OSMR: variants seen among roughly 807,000 people sequenced by gnomAD.
OSMR encodes oncostatin M receptor, also known as oncostatin-M-specific receptor subunit beta.
Under a neutral mutation model 99.9 loss-of-function variants are expected in OSMR, and 81 were observed. The observed-to-expected ratio is 0.81, with a 90% CI of 0.68 to 0.97. The LOEUF is 0.97. Ranked by LOEUF, OSMR falls within the 50% of genes least tolerant of loss-of-function variation. The pLI, the probability that OSMR is intolerant of heterozygous loss-of-function variation, is 0.00. For missense variants in OSMR, 1,099 were observed against 1,153.4 expected (o/e 0.95, Z 0.68); for synonymous variants, 406 against 410.4 (o/e 0.99, Z 0.13).
At chr5:38,864,966 C>T (rs1741826178) in intron 1 of OSMR, among the ~76,000 whole-genome samples, 1 of 152,172 alleles carries the variant, frequency 6.6e-6, no homozygotes, top group Non-Finnish European at 1.5e-5. Flanking sequence ...CTGTCTTTCT[C>T]TCTCTGTCTG....
chr5:38,871,916 T>C (rs1742415684), intron 2 of OSMR, among the ~76,000 whole-genome samples: 1 of 152,152 alleles, frequency 6.6e-6, no homozygotes. Context: ...GTGTTGTGGA[T>C]GGTCAGAGAA....
At chr5:38,881,004 T>G (rs1279102273) in intron 3 of OSMR, among the ~76,000 whole-genome samples, 1 of 152,062 alleles carries the variant, frequency 6.6e-6, no homozygotes, top group East Asian at 1.9e-4. Flanking sequence ...AGAGATGGAG[T>G]GTGGCCATGT....
chr5:38,924,274 T>A lies in OSMR; in HGVS notation c.1871-148T>A, dbSNP rs10075030. The A allele has an allele frequency of 3.1e-5, 46 of 1,499,290 alleles. No individual in the cohort carries two copies. In the Admixed American group the frequency reaches 7.4e-4, roughly 24 times the overall value. The allele number at this position is 1,499,290 out of a possible 1,614,324, so 92.9% of individuals were successfully genotyped here. On this transcript the variant is annotated intron_variant, in intron 13 of 17. Coordinates refer to ENST00000274276, the MANE Select transcript of OSMR (RefSeq NM_003999.3). ...CTCATAAACTATGTCAAGGCACAAA[T>A]CCTCTAGAGAAACAGATAAAACTCC...
intron 1 of OSMR, among the ~76,000 whole-genome samples, chr5:38,847,465 C>T (rs1361026526): frequency 1.3e-5 from 2 of 151,764 alleles, no homozygotes; most frequent in African/African-American, 2.4e-5. Context: ...TTGGAGTCTG[C>T]TCATGATCAC....
chr5:38,922,532 A>G (rs1461061466), intron 12 of OSMR, among the ~76,000 whole-genome samples: 1 of 152,136 alleles, frequency 6.6e-6, no homozygotes, highest in Non-Finnish European at 1.5e-5. Context: ...TTGGTTTTCT[A>G]TGTCTGGTCT....
At chr5:38,864,683 T>A (rs1741798815) in intron 1 of OSMR, among the ~76,000 whole-genome samples, 1 of 152,118 alleles carries the variant, frequency 6.6e-6, no homozygotes, top group African/African-American at 2.4e-5. Context: ...TTTTAAAAAA[T>A]TATCTCCCTG....
chr5:38,900,755 T>C (rs1744836313), intron 7 of OSMR, among the ~76,000 whole-genome samples: 1 of 140,028 alleles, frequency 7.1e-6, no homozygotes, highest in South Asian at 2.3e-4. Flanking sequence ...GATGTCCTTG[T>C]AGAAGTATTT....
intron 9 of OSMR, among the ~76,000 whole-genome samples, chr5:38,916,196 A>C (rs1178023523): frequency 1.3e-5 from 2 of 152,224 alleles, no homozygotes; most frequent in Non-Finnish European, 2.9e-5. Context: ...ATCAATGATT[A>C]AAACGTGTGC....
At chr5:38,864,953 T>C (rs1741825191) in intron 1 of OSMR, among the ~76,000 whole-genome samples, 1 of 152,238 alleles carries the variant, frequency 6.6e-6, no homozygotes, top group Non-Finnish European at 1.5e-5. Context: ...TCTGTCTGTA[T>C]CTCTGTCTTT....
At chr5:38,904,146 T>C (rs567996061) in intron 8 of OSMR, 122 bp downstream of exon 8, 3 of 1,537,374 alleles carry the variant, frequency 2.0e-6, no homozygotes, top group Admixed American at 4.2e-5. Context: ...GTGGGTCATC[T>C]GTTTTAAAAG....
Position 38,923,213 on chromosome 5 carries a change from CTTGT to C in OSMR, c.1832_1835del (p.Cys611TyrfsTer2), listed in dbSNP as rs1746316492. ...TATGGGTTATCTACAAAAAGGATTG[CTTGT>C]TTATTAGAGAAAAAAACAGGATACT... On this transcript the variant is annotated frameshift_variant, in exon 13 of 18. Transcript: ENST00000274276. LOFTEE classifies it high-confidence loss of function. 1 of 1,612,092 alleles carries C rather than the reference CTTGT, an allele frequency of 6.2e-7. No individual in the cohort carries two copies. The highest frequency in any genetic ancestry group is 1.3e-5 in the African/African-American group (1 of 74,924).
rs1313939926 is a variant in OSMR, at chr5:38,869,092, G to A, written c.48G>A (p.Leu16=). The A allele has an allele frequency of 6.2e-7, 1 of 1,612,656 alleles. No homozygotes were observed. The highest frequency in any genetic ancestry group is 1.3e-5 in the African/African-American group (1 of 74,918). The part of the protein sequence containing the change: ...VFQTTFFLTL[L]SLRTYQSEVL... ...AGACAACATTCTTCTTAACATTGCT[G>A]TCCTTGAGGACTTACCAGAGTGAAG... The change falls in exon 2 of 18, where the codon CTG becomes CTA. Residue 16 remains leucine (L), a synonymous_variant. Transcript: ENST00000274276.
chr5:38,851,980 C>T (rs1233248931), intron 1 of OSMR, among the ~76,000 whole-genome samples: 4 of 152,218 alleles, frequency 2.6e-5, no homozygotes, highest in Admixed American at 2.6e-4. Flanking sequence ...TGAGGCCTCC[C>T]CAACCACGTG....
intron 9 of OSMR, among the ~76,000 whole-genome samples, chr5:38,917,089 C>T (rs568794207): frequency 6.6e-5 from 10 of 151,990 alleles, no homozygotes; most frequent in Admixed American, 2.6e-4. Flanking sequence ...CTCCAGTGAG[C>T]GGGCCAGCCG....
intron 14 of OSMR, 143 bp downstream of exon 14, chr5:38,924,738 C>A: frequency 1.3e-6 from 1 of 780,258 alleles, no homozygotes; most frequent in Non-Finnish European, 2.2e-6. Flanking sequence ...TGTTCTTAAG[C>A]AAATTAGTAG....
chr5:38,945,009 C>G, exon 3 of OSMR: 3 of 1,612,446 alleles, frequency 1.9e-6, no homozygotes, highest in African/African-American at 1.3e-5. Flanking sequence ...GAGGGAACCA[C>G]TTCTAAAGGA....
intron 9 of OSMR, among the ~76,000 whole-genome samples, chr5:38,911,173 T>A (rs1003107874): frequency 1.3e-5 from 2 of 152,108 alleles, no homozygotes; most frequent in African/African-American, 4.8e-5. Context: ...AAGAATAAGT[T>A]TCATAGATCA....
chr5:38,885,314 G>T (rs369009269), intron 5 of OSMR, 35 bp from the exon 6 acceptor site: 168 of 1,612,866 alleles, frequency 1.0e-4, no homozygotes, highest in Admixed American at 2.5e-4. Flanking sequence ...CCAATAAAAA[G>T]ATTTAACTAG....
chr5:38,919,452 G>C, intron 11 of OSMR: 3 of 856,658 alleles, frequency 3.5e-6, no homozygotes, highest in Non-Finnish European at 4.8e-6. Context: ...GTCAGTCTTT[G>C]CACCTGGAAA....
Sources: allele counts gnomAD v4.1 joint callset (sites outside exome capture counted in the v4.1 genomes callset), GRCh38; gene constraint gnomAD v4.1.1; transcripts MANE v1.5; gene names NCBI Gene and HGNC (gene_info 2026-07-23, HGNC 2026-07-21).